The following TNIK variants were observed in gnomAD, a reference collection of about 807,000 sequenced individuals.
TNIK encodes TRAF2 and NCK interacting kinase.
TNIK carries 49 observed loss-of-function variants against 191.3 expected under a neutral mutation model. The observed-to-expected ratio is 0.26, with a 90% CI of 0.20 to 0.32. The LOEUF (loss-of-function observed/expected upper bound fraction) is 0.32. Ranked by LOEUF, TNIK falls within the 10% of genes least tolerant of loss-of-function variation. The pLI is 1.00. For missense variants in TNIK, 1,155 were observed against 1,702.3 expected, an observed-to-expected ratio of 0.68 and a Z score of 5.66; for synonymous variants, 594 against 600.9, an observed-to-expected ratio of 0.99 and a Z score of 0.17.
rs186415204 is a variant in TNIK, at chr3:171,245,756, C to T, written c.124-17535G>A. Among the ~76,000 whole-genome samples the T allele has an allele frequency of 1.4e-3, 211 of 152,316 alleles. 1 individual carries two copies. Among genetic ancestry groups the T allele is most frequent in the African/African-American group, 4.7e-3 (196 of 41,552 alleles). ...CCTTTGTCCAAGAATTTACTCACTACTGAATGCCTCAAATGCAGGTCTGAA... is the reference window on the plus strand; with the variant it reads ...CCTTTGTCCAAGAATTTACTCACTATTGAATGCCTCAAATGCAGGTCTGAA... On this transcript the variant is annotated intron_variant, in intron 2 of 32. Coordinates refer to ENST00000436636, the MANE Select transcript of TNIK (RefSeq NM_015028.4).
At chr3:171,288,085 A>G (rs888525936) in intron 2 of TNIK, among the ~76,000 whole-genome samples, 60 of 145,990 alleles carry the variant, frequency 4.1e-4, no homozygotes, top group African/African-American at 1.5e-3. Context: ...ACCAAACACC[A>G]CATATTCTCA....
At chr3:171,410,192 T>C (rs1410930429) in intron 1 of TNIK, among the ~76,000 whole-genome samples, 1 of 152,244 alleles carries the variant, frequency 6.6e-6, no homozygotes, top group Non-Finnish European at 1.5e-5. Flanking sequence ...AAGCATCTTC[T>C]GGTTTGCTAT....
intron 29 of TNIK, among the ~76,000 whole-genome samples, chr3:171,070,018 A>G (rs183344847): frequency 2.7e-4 from 41 of 152,264 alleles, no homozygotes; most frequent in African/African-American, 9.6e-4. Flanking sequence ...GCACTCTCTC[A>G]TGTGTCTCTG....
intron 2 of TNIK, among the ~76,000 whole-genome samples, chr3:171,241,988 G>A (rs193047361): frequency 1.3e-5 from 2 of 151,744 alleles, no homozygotes; most frequent in African/African-American, 4.8e-5. Context: ...ACACAGGAAG[G>A]GGAACATCAC....
intron 2 of TNIK, among the ~76,000 whole-genome samples, chr3:171,290,347 A>T (rs897599252): frequency 6.6e-6 from 1 of 152,222 alleles, no homozygotes; most frequent in Non-Finnish European, 1.5e-5. Flanking sequence ...TCCTACCACC[A>T]TCATTAACTA....
chr3:171,201,920 G>C (rs944448435), intron 4 of TNIK, among the ~76,000 whole-genome samples: 3 of 152,098 alleles, frequency 2.0e-5, no homozygotes, highest in African/African-American at 7.2e-5. Context: ...TCCAAGGATG[G>C]GAAGTGTCCT....
intron 1 of TNIK, among the ~76,000 whole-genome samples, chr3:171,398,739 A>T (rs1042842794): frequency 2.0e-5 from 3 of 152,234 alleles, no homozygotes; most frequent in Non-Finnish European, 2.9e-5. Flanking sequence ...TTCTACCTAC[A>T]TTCTACCTAT....
At chr3:171,292,640 G>T (rs1290598016) in intron 2 of TNIK, among the ~76,000 whole-genome samples, 2 of 152,106 alleles carry the variant, frequency 1.3e-5, no homozygotes, top group Non-Finnish European at 2.9e-5. Context: ...GCTGGGCGTG[G>T]TGGCGGGAGC....
chr3:171,400,816 G>A (rs1720860029), intron 1 of TNIK, among the ~76,000 whole-genome samples: 2 of 152,140 alleles, frequency 1.3e-5, no homozygotes, highest in African/African-American at 4.8e-5. Flanking sequence ...TGCCCCCAAA[G>A]ATACCAAGAT....
At chr3:171,150,753 A>T (rs182431362) in intron 12 of TNIK, among the ~76,000 whole-genome samples, 1 of 152,212 alleles carries the variant, frequency 6.6e-6, no homozygotes, top group South Asian at 2.1e-4. Context: ...CCTTGTCCTG[A>T]CAAGGCCAGG....
chr3:171,341,455 G>A (rs1167476988), intron 2 of TNIK, among the ~76,000 whole-genome samples: 1 of 107,730 alleles, frequency 9.3e-6, no homozygotes, highest in African/African-American at 3.7e-5. Context: ...CTGGCCGACA[G>A]AGCGAGACTC....
At chr3:171,387,882 A>T (rs1718942720) in intron 1 of TNIK, among the ~76,000 whole-genome samples, 1 of 151,972 alleles carries the variant, frequency 6.6e-6, no homozygotes, top group Non-Finnish European at 1.5e-5. Flanking sequence ...TCTCAGGAGA[A>T]ATTTGCAGTT....
chr3:171,190,863 G>T, intron 5 of TNIK, 76 bp from the exon 6 acceptor site: 2 of 1,185,248 alleles, frequency 1.7e-6, no homozygotes, highest in Non-Finnish European at 2.4e-6. Flanking sequence ...GACTGTTAAG[G>T]ATCCAAAAAC....
intron 12 of TNIK, among the ~76,000 whole-genome samples, chr3:171,151,141 G>A (rs2108681391): frequency 1.3e-5 from 2 of 152,342 alleles, no homozygotes; most frequent in Admixed American, 6.5e-5. Context: ...AGGAAGCTGA[G>A]GTTCAGAGAG....
chr3:171,129,490 T>C (rs1728954217), intron 15 of TNIK, among the ~76,000 whole-genome samples: 1 of 152,218 alleles, frequency 6.6e-6, no homozygotes, highest in Admixed American at 6.5e-5. Flanking sequence ...CAGTTGTCTT[T>C]CCTGCTTCCT....
chr3:171,268,795 A>G (rs1748717720), intron 2 of TNIK, among the ~76,000 whole-genome samples: 1 of 152,184 alleles, frequency 6.6e-6, no homozygotes, highest in Non-Finnish European at 1.5e-5. Context: ...AGGAAGTAGG[A>G]AAGAGAATTG....
Position 171,338,976 on chromosome 3 carries a change from T to C in TNIK, c.123+30644A>G, listed in dbSNP as rs113797880. ...CTCATAATGACTATGCTACATCAAT[T>C]AGTATTATTTTCTGTCTCCCATGCC... On this transcript the variant is annotated intron_variant, in intron 2 of 32. Coordinates refer to ENST00000436636, the MANE Select transcript of TNIK (RefSeq NM_015028.4). Among the ~76,000 whole-genome samples the C allele has an allele frequency of 8.6e-3, 1,312 of 152,286 alleles. 19 individuals are homozygous for C. The highest frequency in any genetic ancestry group is 0.028 in the African/African-American group (1,152 of 41,552).
At chr3:171,304,217 G>A (rs1374966298) in intron 2 of TNIK, among the ~76,000 whole-genome samples, 1 of 152,146 alleles carries the variant, frequency 6.6e-6, no homozygotes, top group Non-Finnish European at 1.5e-5. Flanking sequence ...CCAAGAATGT[G>A]AAAGCCCCAC....
At chr3:171,423,646 T>C (rs902327325) in intron 1 of TNIK, among the ~76,000 whole-genome samples, 53 of 152,042 alleles carry the variant, frequency 3.5e-4, no homozygotes, top group Non-Finnish European at 5.6e-4. Flanking sequence ...TACAGACCAA[T>C]GGAACAGAAC....
Sources: gnomAD v4.1 joint callset for allele counts (sites outside exome capture counted in the v4.1 genomes callset) on GRCh38, gnomAD v4.1.1 for gene constraint, MANE v1.5 for transcripts, NCBI Gene and HGNC (gene_info 2026-07-23, HGNC 2026-07-21) for gene names.